Variants in ZNF69 observed in about 807,000 individuals in gnomAD.
ZNF69 encodes the protein zinc finger protein 69.
ZNF69 carries 47 observed loss-of-function variants against 50.9 expected under a neutral mutation model. The ratio of observed to expected loss-of-function variants is 0.92; its 90% CI spans 0.73 to 1.18. The LOEUF is 1.18. ZNF69 is among the 50% of genes most tolerant of loss of function. ZNF69 has a pLI of 0.00. For missense variants in ZNF69, 717 were observed against 675.1 expected, an observed-to-expected ratio of 1.06 and a Z score of -0.69; for synonymous variants, 216 against 223.1, an observed-to-expected ratio of 0.97 and a Z score of 0.29.
chr19:11,947,609 C>T, the ZNF69 span: 6 of 1,561,244 alleles, frequency 3.8e-6, no homozygotes, highest in Middle Eastern at 1.7e-4. Flanking sequence ...CAGTGTCTCT[C>T]TGCACAATCT....
chr19:11,909,035 T>C (rs1434530613), downstream of ZNF69, among the ~76,000 whole-genome samples: 1 of 152,200 alleles, frequency 6.6e-6, no homozygotes, highest in African/African-American at 2.4e-5. Context: ...CAGAGAGTAC[T>C]ATAAATACCT....
chr19:11,958,211 A>G, the ZNF69 span, among the ~76,000 whole-genome samples: 1 of 152,000 alleles, frequency 6.6e-6, no homozygotes, highest in Non-Finnish European at 1.5e-5. Context: ...TATCCTTCAT[A>G]GTAAGTGGGT....
intron 2 of ZNF69, 25 bp downstream of exon 2, chr19:11,903,724 C>T (rs771019855): frequency 1.2e-6 from 2 of 1,613,060 alleles, no homozygotes; most frequent in Admixed American, 1.7e-5. Context: ...TTCCTTCCCT[C>T]AGTCCATTAG....
chr19:11,908,733 T>C (rs1431021717), downstream of ZNF69, among the ~76,000 whole-genome samples: 2 of 152,030 alleles, frequency 1.3e-5, no homozygotes, highest in Non-Finnish European at 2.9e-5. Flanking sequence ...AGATGTAAAA[T>C]TGACACCCTA....
At chr19:11,979,691 C>T in the ZNF69 span, 3 of 1,602,374 alleles carry the variant, frequency 1.9e-6, no homozygotes, top group Non-Finnish European at 2.6e-6. Flanking sequence ...TGCTGGGACT[C>T]ACCCTGAAGA....
chr19:11,900,704 T>C (rs1226716499), intron 1 of ZNF69, among the ~76,000 whole-genome samples: 1 of 152,214 alleles, frequency 6.6e-6, no homozygotes, highest in Non-Finnish European at 1.5e-5. Flanking sequence ...TTAGGAGTTC[T>C]TTATACCTTT....
At chr19:11,904,118 G>A (rs975694158) in intron 3 of ZNF69, among the ~76,000 whole-genome samples, 153 bp downstream of exon 3, 2 of 152,108 alleles carry the variant, frequency 1.3e-5, no homozygotes, top group Admixed American at 6.6e-5. Flanking sequence ...TGTGACCTAG[G>A]CTGTGGGCTC....
At chr19:11,941,670 G>A in the ZNF69 span, among the ~76,000 whole-genome samples, 3 of 152,132 alleles carry the variant, frequency 2.0e-5, no homozygotes, top group Non-Finnish European at 2.9e-5. Context: ...TCCCGCTCGC[G>A]CCTCTCCCTC....
the ZNF69 span, chr19:11,965,299 T>TGCGGGCG: frequency 1.3e-6 from 2 of 1,575,062 alleles, no homozygotes; most frequent in East Asian, 4.6e-5. Context: ...CGGGCCTCCC[T>TGCGGGCG]GCGGGCGACT....
rs1180870169 is a variant in ZNF69, at chr19:11,891,956, C to T, written c.63+3970C>T. 2.0e-5 allele frequency among the ~76,000 whole-genome samples: 3 copies of T among 152,006 alleles called. No homozygotes were observed. The East Asian group carries it at 5.8e-4, about 29-fold the overall frequency. The stretch of plus-strand genomic sequence containing the variant: ...ATAGGATTGCATTTTCCATAGAAGG[C>T]TGATGTATGAGGTACAATAATTTAA... On this transcript the variant is annotated intron_variant, in intron 1 of 3. Coordinates refer to ENST00000429654, the MANE Select transcript of ZNF69 (RefSeq NM_001364730.1).
chr19:11,970,701 G>A, the ZNF69 span, among the ~76,000 whole-genome samples: 1 of 152,294 alleles, frequency 6.6e-6, no homozygotes. Flanking sequence ...GGAGGCTGAG[G>A]CTGGCAGATC....
At chr19:11,907,951 A>G (rs1025056257), downstream of ZNF69, among the ~76,000 whole-genome samples, 3 of 152,208 alleles carry the variant, frequency 2.0e-5, no homozygotes, top group Non-Finnish European at 4.4e-5. Flanking sequence ...AGACATACAT[A>G]GGCTCAAAAT....
At chr19:11,978,585 A>C in the ZNF69 span, 3 of 1,614,184 alleles carry the variant, frequency 1.9e-6, no homozygotes, top group Non-Finnish European at 8.5e-7. Context: ...CCATGAAAGA[A>C]CTCACACTGG....
the ZNF69 span, among the ~76,000 whole-genome samples, chr19:11,955,347 A>G: frequency 1.3e-5 from 2 of 150,392 alleles, no homozygotes; most frequent in Non-Finnish European, 3.0e-5. Flanking sequence ...GCCGTGTAGT[A>G]CATTTCTTGG....
At chr19:11,960,353 T>C in the ZNF69 span, among the ~76,000 whole-genome samples, 1 of 152,232 alleles carries the variant, frequency 6.6e-6, no homozygotes, top group African/African-American at 2.4e-5. Context: ...ACAACCTTGC[T>C]CTGTAGCCCA....
At chr19:11,963,088 A>AGTGTGT in the ZNF69 span, among the ~76,000 whole-genome samples, 273 of 138,274 alleles carry the variant, frequency 2.0e-3, 1 homozygote, top group East Asian at 0.018. Flanking sequence ...AGAGAGAGAG[A>AGTGTGT]GTGTGTGTGT....
At chr19:11,949,656 C>A in the ZNF69 span, 8 of 1,613,312 alleles carry the variant, frequency 5.0e-6, no homozygotes, top group African/African-American at 8.0e-5. Flanking sequence ...GTGGTAAAGC[C>A]TTCAGATGTT....
At chr19:11,948,765 G>T in the ZNF69 span, 9 of 1,611,152 alleles carry the variant, frequency 5.6e-6, no homozygotes, top group Non-Finnish European at 6.8e-6. Context: ...ACACTGGAGA[G>T]AAACCATATG....
intron 1 of ZNF69, among the ~76,000 whole-genome samples, chr19:11,901,591 T>TC (rs1267545265): frequency 1.3e-5 from 2 of 152,122 alleles, no homozygotes; most frequent in African/African-American, 4.8e-5. Flanking sequence ...TTCAAATGAT[T>TC]CTCCCATGTC....
Sources: allele counts gnomAD v4.1 joint callset (sites outside exome capture counted in the v4.1 genomes callset), GRCh38; gene constraint gnomAD v4.1.1; transcripts MANE v1.5; gene names NCBI Gene and HGNC (gene_info 2026-07-23, HGNC 2026-07-21).